The following SKI variants were observed in gnomAD, a reference collection of about 807,000 sequenced individuals.
SKI encodes the protein ski oncogene.
In SKI, 23 loss-of-function variants were observed where a neutral mutation model predicts 59.3. The ratio of observed to expected loss-of-function variants is 0.39; its 90% CI spans 0.28 to 0.55. The LOEUF (loss-of-function observed/expected upper bound fraction) is 0.55. Ranked by LOEUF, SKI falls within the 20% of genes least tolerant of loss-of-function variation. The pLI is 0.67. For synonymous variants in SKI, 673 were observed against 488.6 expected (o/e 1.38, Z -4.98); for missense variants, 1,017 against 1,038.9 (o/e 0.98, Z 0.29).
At chr1:2,259,666 A>G (rs1639342392) in intron 1 of SKI, among the ~76,000 whole-genome samples, 1 of 152,186 alleles carries the variant, frequency 6.6e-6, no homozygotes, top group Non-Finnish European at 1.5e-5. Context: ...CGTCCAGATG[A>G]TGAACCTGTC....
At chr1:2,297,275 G>A (rs145941930) in intron 1 of SKI, among the ~76,000 whole-genome samples, 41 of 152,224 alleles carry the variant, frequency 2.7e-4, no homozygotes, top group African/African-American at 8.4e-4. Flanking sequence ...CCGGGCCCAC[G>A]GCTGAAGTTT....
chr1:2,270,335 C>T lies in SKI; in HGVS notation c.970-32643C>T, dbSNP rs939241842. On this transcript the variant is annotated intron_variant, in intron 1 of 6. Coordinates refer to ENST00000378536, the MANE Select transcript of SKI (RefSeq NM_003036.4). The surrounding 1 kb of genome is among the most constrained non-coding windows in gnomAD (Gnocchi z 4.1). Reference sequence around the variant, plus strand: ...AGAGATGCTGGTGACACCACTCTGACGCCACGGCCTGAGGCAGCCGTTGGA... The same window carrying T: ...AGAGATGCTGGTGACACCACTCTGATGCCACGGCCTGAGGCAGCCGTTGGA... Among the ~76,000 whole-genome samples the T allele has an allele frequency of 2.6e-5, 4 of 152,228 alleles. No homozygotes were observed. The highest frequency in any genetic ancestry group is 2.0e-4 in the Admixed American group (3 of 15,288).
Position 2,304,039 on chromosome 1 carries a change from G to A in SKI, c.1411G>A (p.Val471Met), listed in dbSNP as rs745717087. ...AGGAGCCCCAGAGACGCTGGCGCCC[G>A]TGGCTGCCCCAGAGGAGGACAAGGA... is the stretch of plus-strand genomic sequence containing the variant. ...TPGAPETLAP[V>M]AAPEEDKDSE... The change falls in exon 4 of 7, where the codon GTG becomes ATG. Residue 471 changes from valine to methionine, a missense_variant. Transcript: ENST00000378536. 15 of 1,612,510 alleles carry A rather than the reference G, an allele frequency of 9.3e-6. No individual in the cohort carries two copies. The highest frequency in any genetic ancestry group is 4.5e-5 in the East Asian group (2 of 44,872).
intron 1 of SKI, among the ~76,000 whole-genome samples, chr1:2,258,308 G>A (rs1312884698): frequency 3.9e-5 from 6 of 152,096 alleles, no homozygotes; most frequent in African/African-American, 1.4e-4. Context: ...GGTATGTGTG[G>A]GACCAGCTCA....
intron 1 of SKI, among the ~76,000 whole-genome samples, chr1:2,261,938 G>A (rs1275151400): frequency 1.0e-4 from 13 of 127,102 alleles, no homozygotes; most frequent in Admixed American, 1.6e-4. Context: ...GGGAGTGGAC[G>A]CCCTCGCTCC....
chr1:2,306,910 A>G lies in SKI; in HGVS notation c.*145A>G, dbSNP rs1015401529. The G allele has an allele frequency of 5.4e-6, 3 of 555,662 alleles. No individual in the cohort carries two copies. The African/African-American group carries it at 6.1e-5, about 11-fold the overall frequency. The allele number at this position is 555,662 out of a possible 1,614,324, so 34.4% of individuals were successfully genotyped here. On this transcript the variant is annotated 3_prime_UTR_variant, in exon 7 of 7. Coordinates refer to ENST00000378536, the MANE Select transcript of SKI (RefSeq NM_003036.4). Reference sequence around the variant, plus strand: ...TATTACCAAGCGAGTGTTTGTAACCATGTAGTTTTGGAACCCACTGCAAAA... The same window carrying G: ...TATTACCAAGCGAGTGTTTGTAACCGTGTAGTTTTGGAACCCACTGCAAAA...
chr1:2,280,026 G>A (rs1639836888), intron 1 of SKI, among the ~76,000 whole-genome samples: 1 of 152,168 alleles, frequency 6.6e-6, no homozygotes, highest in African/African-American at 2.4e-5. Flanking sequence ...CGCGAGGCAT[G>A]GGTGCGCGAA....
At chr1:2,288,525 C>T (rs1045794618) in intron 1 of SKI, among the ~76,000 whole-genome samples, 6 of 152,346 alleles carry the variant, frequency 3.9e-5, no homozygotes, top group South Asian at 2.1e-4. Context: ...GTGGGAGTGG[C>T]TCTTTTCAGA....
Position 2,303,343 on chromosome 1 carries a change from C to T in SKI, c.1154C>T (p.Ala385Val). ...RLSAFRPWSP[A>V]VSASEKELSP... ...TCTGCTTTCCGACCCTGGTCCCCCG[C>T]AGTGTCAGCGAGTGAGAAAGAGCTC... Residue 385 changes from alanine to valine, a missense_variant, in exon 3 of 7, where the codon GCA becomes GTA. Physicochemically the swap from Ala to Val is moderately conservative, Grantham distance 64. Coordinates refer to ENST00000378536, the MANE Select transcript of SKI (RefSeq NM_003036.4). This position sits in a 1 kb window ranked among gnomAD's most constrained non-coding sequence, Gnocchi z 5.6. 2 of 1,613,876 alleles carry T rather than the reference C, an allele frequency of 1.2e-6. No individual in the cohort carries two copies. The highest frequency in any genetic ancestry group is 1.7e-6 in the Non-Finnish European group (2 of 1,180,034).
At chr1:2,274,972 C>T (rs1223462955) in intron 1 of SKI, among the ~76,000 whole-genome samples, 1 of 152,192 alleles carries the variant, frequency 6.6e-6, no homozygotes, top group East Asian at 1.9e-4. Context: ...CTGTGCTGGT[C>T]TTTCCAGGCA....
intron 1 of SKI, among the ~76,000 whole-genome samples, chr1:2,248,674 C>T (rs866338103): frequency 1.3e-5 from 2 of 152,238 alleles, no homozygotes; most frequent in Non-Finnish European, 2.9e-5. Context: ...TTCCTTTGCC[C>T]ACAGTGAAGT....
chr1:2,282,951 C>T (rs577017901), intron 1 of SKI, among the ~76,000 whole-genome samples: 1 of 152,354 alleles, frequency 6.6e-6, no homozygotes, highest in East Asian at 1.9e-4. Context: ...GGCTGGGGTC[C>T]TGTGTGCACC....
chr1:2,243,631 G>A (rs1397238960), intron 1 of SKI, among the ~76,000 whole-genome samples: 2 of 152,150 alleles, frequency 1.3e-5, no homozygotes, highest in East Asian at 1.9e-4. Flanking sequence ...AGGGCATGTC[G>A]GTCACGCCAG....
chr1:2,283,689 A>C (rs578138816), intron 1 of SKI, among the ~76,000 whole-genome samples: 5 of 152,268 alleles, frequency 3.3e-5, no homozygotes, highest in African/African-American at 1.2e-4. Context: ...CCTCAAGTGC[A>C]TGTGGGGTGC....
chr1:2,306,829 G>A lies in SKI; in HGVS notation c.*64G>A, dbSNP rs1404404807. 5 of 1,211,914 alleles carry A rather than the reference G, an allele frequency of 4.1e-6. No individual in the cohort carries two copies. Among genetic ancestry groups the A allele is most frequent in the Non-Finnish European group, 5.3e-6 (5 of 942,164 alleles). The allele number at this position is 1,211,914 out of a possible 1,614,324, so 75.1% of individuals were successfully genotyped here. A position where few individuals can be genotyped will look rare whatever the true frequency, so the allele number is the denominator to read the frequency against. Reference sequence around the variant, plus strand: ...GTGCAGGGGGGCGCGGCTGGGCGGTGCAGCTCCGCCCGGCTCCGCCCCTGC... The same window carrying A: ...GTGCAGGGGGGCGCGGCTGGGCGGTACAGCTCCGCCCGGCTCCGCCCCTGC... On this transcript the variant is annotated 3_prime_UTR_variant, in exon 7 of 7. Coordinates refer to ENST00000378536, the MANE Select transcript of SKI (RefSeq NM_003036.4).
intron 1 of SKI, among the ~76,000 whole-genome samples, chr1:2,244,297 G>C (rs1449303477): frequency 6.6e-6 from 1 of 151,778 alleles, no homozygotes; most frequent in African/African-American, 2.4e-5. Context: ...TGTCATTTAG[G>C]CTGGGCATGG....
Position 2,306,553 on chromosome 1 carries a change from G to T in SKI, c.1999-24G>T, listed in dbSNP as rs572324401. 1.2e-5 allele frequency: 19 copies of T among 1,537,674 alleles called. No individual in the cohort carries two copies. The Admixed American group carries it at 3.5e-4, about 29-fold the overall frequency. On this transcript the variant is annotated intron_variant, in intron 6 of 6. Coordinates refer to ENST00000378536, the MANE Select transcript of SKI (RefSeq NM_003036.4). Reference sequence around the variant, plus strand: ...CGGGGCAGGGCAGCGAGCAGGCGCCGCTGACCACTCGGCTCCCTTTCAGAT... The same window carrying T: ...CGGGGCAGGGCAGCGAGCAGGCGCCTCTGACCACTCGGCTCCCTTTCAGAT...
At chr1:2,231,008 T>G (rs1638624965) in intron 1 of SKI, among the ~76,000 whole-genome samples, 1 of 152,094 alleles carries the variant, frequency 6.6e-6, no homozygotes, top group African/African-American at 2.4e-5. Flanking sequence ...CTTCTGACCC[T>G]GCCAGGCCAG....
Position 2,306,793 on chromosome 1 carries a change from CG to C in SKI, c.*29del, listed in dbSNP as rs1640600474. 6.8e-7 allele frequency: 1 copy of C among 1,467,146 alleles called. No individual in the cohort carries two copies. The highest frequency in any genetic ancestry group is 9.0e-7 in the Non-Finnish European group (1 of 1,112,032). The allele number at this position is 1,467,146 out of a possible 1,614,324, so 90.9% of individuals were successfully genotyped here. On this transcript the variant is annotated 3_prime_UTR_variant, in exon 7 of 7. Coordinates refer to ENST00000378536, the MANE Select transcript of SKI (RefSeq NM_003036.4). The stretch of plus-strand genomic sequence containing the variant: ...TCCGTGCCTGCCGCCGCAGCGCCGC[CG>C]ACAACGCGGGTGCAGGGGGGCGCGG...
Sources: allele counts gnomAD v4.1 joint callset (sites outside exome capture counted in the v4.1 genomes callset), GRCh38; gene constraint gnomAD v4.1.1; non-coding constraint Gnocchi (gnomAD v3.1); transcripts MANE v1.5; gene names NCBI Gene and HGNC (gene_info 2026-07-23, HGNC 2026-07-21).